Variants in FLNB observed in about 807,000 individuals in gnomAD.
FLNB encodes the protein filamin-B.
Under a neutral mutation model 250.6 loss-of-function variants are expected in FLNB, and 111 were observed. That is an observed-to-expected ratio of 0.44 (90% confidence interval 0.38 to 0.52). The LOEUF (loss-of-function observed/expected upper bound fraction) is 0.52. FLNB is among the 20% of genes least tolerant of loss of function. FLNB has a pLI of 0.00. For synonymous variants in FLNB, 1,302 were observed against 1,372.1 expected (o/e 0.95, Z 1.13); for missense variants, 2,869 against 3,447.8 (o/e 0.83, Z 4.20).
At chr3:58,118,806 G>C (rs1670789205) in intron 18 of FLNB, 66 bp from the exon 19 acceptor site, 5 of 1,122,808 alleles carry the variant, frequency 4.5e-6, no homozygotes, top group Non-Finnish European at 6.8e-6. Flanking sequence ...GATCTTGAGG[G>C]GATTTTAAAT....
chr3:58,046,132 G>T (rs951830734), intron 1 of FLNB, among the ~76,000 whole-genome samples: 1 of 151,940 alleles, frequency 6.6e-6, no homozygotes, highest in Non-Finnish European at 1.5e-5. Flanking sequence ...CTCAGAGAGG[G>T]ACAGGCCCTG....
chr3:58,159,731 A>G, intron 42 of FLNB, 45 bp downstream of exon 42: 3 of 1,604,814 alleles, frequency 1.9e-6, no homozygotes, highest in Non-Finnish European at 1.7e-6. Context: ...AGCACTTTCC[A>G]GCAGAATGTT....
rs1462177884 is a variant in FLNB, at chr3:58,108,579, T to G, written c.2055+8T>G. On this transcript the variant is annotated splice_region_variant and intron_variant, in intron 13 of 45. Transcript: ENST00000295956. ...TTAAAGATATTTGCTCAGGTAAATT[T>G]CAGGGGGCCACCTGTGCAGGTAATT... 6.4e-7 allele frequency: 1 copy of G among 1,559,416 alleles called. No individual in the cohort carries two copies. Among genetic ancestry groups the G allele is most frequent in the South Asian group, 1.1e-5 (1 of 89,998 alleles).
At chr3:58,094,999 C>A (rs770671839) in intron 5 of FLNB, 45 bp downstream of exon 5, 12 of 1,436,810 alleles carry the variant, frequency 8.4e-6, no homozygotes, top group South Asian at 8.0e-5. Context: ...CCTCATGGAG[C>A]TTTTGGGGCT....
At chr3:58,090,401 TA>T (rs1273539702) in intron 4 of FLNB, among the ~76,000 whole-genome samples, 1 of 152,216 alleles carries the variant, frequency 6.6e-6, no homozygotes, top group Non-Finnish European at 1.5e-5. Flanking sequence ...AATATAATGA[TA>T]AAAAGTATAG....
intron 1 of FLNB, among the ~76,000 whole-genome samples, chr3:58,025,558 C>A (rs867797298): frequency 1.3e-5 from 2 of 152,186 alleles, no homozygotes; most frequent in Non-Finnish European, 2.9e-5. Flanking sequence ...CTTGGCTTTG[C>A]TGCTTTGTAG....
intron 9 of FLNB, among the ~76,000 whole-genome samples, chr3:58,102,750 C>T (rs188849809): frequency 1.3e-5 from 2 of 152,362 alleles, no homozygotes; most frequent in Admixed American, 1.3e-4. Context: ...GATTTTCCCA[C>T]TACAGGTTAC....
At chr3:58,131,973 T>C in intron 25 of FLNB, 1 of 1,537,222 alleles carries the variant, frequency 6.5e-7, no homozygotes, top group Non-Finnish European at 8.7e-7. Context: ...TGAAAGCCCT[T>C]TCAGAGTTCT....
chr3:58,023,928 C>T (rs1276757706), intron 1 of FLNB, among the ~76,000 whole-genome samples: 1 of 152,194 alleles, frequency 6.6e-6, no homozygotes, highest in Non-Finnish European at 1.5e-5. Context: ...ACTCATTTAG[C>T]TTTTAGTTGC....
At chr3:58,043,127 GT>G (rs1380247396) in intron 1 of FLNB, among the ~76,000 whole-genome samples, 3 of 147,908 alleles carry the variant, frequency 2.0e-5, no homozygotes, top group Non-Finnish European at 4.5e-5. Context: ...AGTCATTTTG[GT>G]AATTTGGCAT....
intron 20 of FLNB, among the ~76,000 whole-genome samples, chr3:58,121,975 C>G (rs1319003566): frequency 6.6e-6 from 1 of 151,136 alleles, no homozygotes; most frequent in African/African-American, 2.4e-5. Flanking sequence ...CAAGACCATC[C>G]TGGCTACCAC....
intron 1 of FLNB, among the ~76,000 whole-genome samples, chr3:58,045,455 A>T (rs902809576): frequency 6.6e-6 from 1 of 151,964 alleles, no homozygotes; most frequent in Admixed American, 6.5e-5. Context: ...TTAAAACATT[A>T]TGAGATCCTT....
intron 38 of FLNB, chr3:58,152,965 C>A: frequency 3.1e-6 from 1 of 320,626 alleles, no homozygotes; most frequent in Non-Finnish European, 6.1e-6. Flanking sequence ...AAGCTTTGCT[C>A]ACGCATGGTT....
chr3:58,147,730 G>A (rs556491115), intron 34 of FLNB, among the ~76,000 whole-genome samples: 5 of 152,032 alleles, frequency 3.3e-5, no homozygotes, highest in Non-Finnish European at 7.4e-5. Flanking sequence ...GCATGATCTC[G>A]GCTCACTGTG....
chr3:58,164,473 G>A lies in FLNB; in HGVS notation c.7198+1143G>A, dbSNP rs566136497. ...TGTGTGTACCCCCACCCCGCATAAG[G>A]AGAGTGGGATGGAGCAGACTTGCCT... On this transcript the variant is annotated intron_variant, in intron 43 of 45. Transcript: ENST00000295956. The surrounding 1 kb of genome is among the most constrained non-coding windows in gnomAD (Gnocchi z 4.0). 63 of 152,390 alleles carry A rather than the reference G, an allele frequency of 4.1e-4. No homozygotes were observed. The highest frequency in any genetic ancestry group is 1.3e-3 in the African/African-American group (56 of 41,556). 9.4% of individuals were successfully genotyped at this position (152,390 alleles called of 1,614,324 possible). A position where few individuals can be genotyped will look rare whatever the true frequency, so the allele number is the denominator to read the frequency against.
chr3:58,023,213 C>T (rs1160087870), intron 1 of FLNB, among the ~76,000 whole-genome samples: 1 of 150,320 alleles, frequency 6.7e-6, no homozygotes, highest in East Asian at 2.0e-4. Flanking sequence ...ATTCTCCTGC[C>T]TCAGCCTCCC....
In FLNB at chr3:58,097,850, G is replaced by A. The variant is rs773298593; in HGVS notation, c.1020G>A (p.Lys340=). 9 of 1,614,018 alleles carry A rather than the reference G, an allele frequency of 5.6e-6. No individual in the cohort carries two copies. The highest frequency in any genetic ancestry group is 5.0e-5 in the Admixed American group (3 of 60,000). ...TCTTTGCAGGACAGCACATCTCCAAGAGCCCATTTGAAGTGAGTGTTGACA... is the reference window on the plus strand; with the variant it reads ...TCTTTGCAGGACAGCACATCTCCAAAAGCCCATTTGAAGTGAGTGTTGACA... The part of the protein sequence containing the change: ...TVLFAGQHIS[K]SPFEVSVDKA... Residue 340 remains lysine (K), a synonymous_variant, in exon 7 of 46, where the codon AAG becomes AAA. Coordinates refer to ENST00000295956, the MANE Select transcript of FLNB (RefSeq NM_001457.4).
intron 1 of FLNB, among the ~76,000 whole-genome samples, chr3:58,013,095 AG>A (rs1298805339): frequency 4.6e-5 from 7 of 152,236 alleles, no homozygotes; most frequent in African/African-American, 1.4e-4. Context: ...GCTGTTTGCC[AG>A]GAGTTGGCAG....
At chr3:58,151,638 A>G (rs893923693) in intron 38 of FLNB, among the ~76,000 whole-genome samples, 3 of 152,214 alleles carry the variant, frequency 2.0e-5, no homozygotes, top group African/African-American at 7.2e-5. Flanking sequence ...CATCCACATC[A>G]TCTCTTTCAT....
Sources: gnomAD v4.1 joint callset for allele counts (sites outside exome capture counted in the v4.1 genomes callset) on GRCh38, gnomAD v4.1.1 for gene constraint, Gnocchi (gnomAD v3.1) non-coding constraint, MANE v1.5 for transcripts, NCBI Gene and HGNC (gene_info 2026-07-23, HGNC 2026-07-21) for gene names.